The following GALNT13 variants were observed in gnomAD, a reference collection of about 807,000 sequenced individuals.
GALNT13 encodes UDP-GalNAc:polypeptide N-acetylgalactosaminyltransferase 13.
In GALNT13, 28 loss-of-function variants were observed where a neutral mutation model predicts 64.2. The observed-to-expected ratio is 0.44, with a 90% CI of 0.32 to 0.60. The LOEUF is 0.60. Among genes scored for constraint, GALNT13 ranks in the 20% least tolerant of loss-of-function variants. GALNT13 has a pLI of 0.05. For missense variants in GALNT13, 577 were observed against 669.8 expected, an observed-to-expected ratio of 0.86 and a Z score of 1.53; for synonymous variants, 214 against 224.6, an observed-to-expected ratio of 0.95 and a Z score of 0.42.
At chr2:153,218,595 T>C in the GALNT13 span, among the ~76,000 whole-genome samples, 3 of 152,220 alleles carry the variant, frequency 2.0e-5, no homozygotes, top group East Asian at 5.8e-4. Context: ...GCCTGAACTA[T>C]GGGGAATGTT....
At chr2:154,356,285 A>G (rs1696745000) in intron 9 of GALNT13, among the ~76,000 whole-genome samples, 1 of 151,940 alleles carries the variant, frequency 6.6e-6, no homozygotes. Context: ...TCTCTGGTGG[A>G]TTATTCTGAT....
intron 9 of GALNT13, among the ~76,000 whole-genome samples, chr2:154,311,211 A>G (rs1274788145): frequency 6.6e-6 from 1 of 152,102 alleles, no homozygotes; most frequent in East Asian, 1.9e-4. Context: ...ATATATGTAC[A>G]TATTTATTTA....
At chr2:153,653,783 T>C in the GALNT13 span, among the ~76,000 whole-genome samples, 1 of 152,194 alleles carries the variant, frequency 6.6e-6, no homozygotes, top group African/African-American at 2.4e-5. Flanking sequence ...ACATTTTTTC[T>C]GCCTATCTTA....
chr2:153,584,415 C>T, the GALNT13 span, among the ~76,000 whole-genome samples: 98 of 152,306 alleles, frequency 6.4e-4, no homozygotes, highest in African/African-American at 2.3e-3. Flanking sequence ...CCTACAGCTA[C>T]CTCCCTAGCC....
At chr2:153,985,287 C>T (rs180720095) in intron 3 of GALNT13, among the ~76,000 whole-genome samples, 5 of 152,068 alleles carry the variant, frequency 3.3e-5, no homozygotes, top group Admixed American at 3.3e-4. Context: ...CGTCTTCCCT[C>T]CAAAATGTAA....
At chr2:154,159,328 T>C (rs557897547) in intron 4 of GALNT13, among the ~76,000 whole-genome samples, 37 of 151,908 alleles carry the variant, frequency 2.4e-4, no homozygotes, top group African/African-American at 8.4e-4. Flanking sequence ...AGAGATGAGG[T>C]TTCACCATGT....
the GALNT13 span, chr2:153,201,870 C>G: frequency 6.6e-6 from 1 of 151,730 alleles, no homozygotes; most frequent in African/African-American, 2.4e-5. Flanking sequence ...AAGGCATGAA[C>G]AGCTGAAGCT....
chr2:153,265,361 G>C, the GALNT13 span, among the ~76,000 whole-genome samples: 1 of 152,136 alleles, frequency 6.6e-6, no homozygotes, highest in African/African-American at 2.4e-5. Flanking sequence ...GGCTGGAATG[G>C]ACAATTTGCC....
chr2:153,276,832 T>C, the GALNT13 span, among the ~76,000 whole-genome samples: 4 of 152,312 alleles, frequency 2.6e-5, no homozygotes, highest in African/African-American at 9.6e-5. Context: ...AAATATTTTC[T>C]CTAACTATAT....
At chr2:153,131,620 C>G in the GALNT13 span, among the ~76,000 whole-genome samples, 1 of 152,150 alleles carries the variant, frequency 6.6e-6, no homozygotes, top group Non-Finnish European at 1.5e-5. Flanking sequence ...CAGGTCTGCA[C>G]CTTCTAGGTA....
the GALNT13 span, among the ~76,000 whole-genome samples, chr2:153,826,571 T>C: frequency 2.0e-5 from 3 of 152,210 alleles, no homozygotes; most frequent in African/African-American, 7.2e-5. Context: ...TATACTTTAA[T>C]CCTTATCAAG....
At chr2:153,795,042 AACAG>A in the GALNT13 span, among the ~76,000 whole-genome samples, 1 of 152,194 alleles carries the variant, frequency 6.6e-6, no homozygotes, top group Admixed American at 6.5e-5. Context: ...CAAAAGGCTA[AACAG>A]ACCTCACAGG....
intron 3 of GALNT13, among the ~76,000 whole-genome samples, chr2:153,990,420 T>C (rs1320451469): frequency 6.6e-6 from 1 of 152,152 alleles, no homozygotes; most frequent in Non-Finnish European, 1.5e-5. Flanking sequence ...GCATCCTGTG[T>C]CTGTGGTATA....
At chr2:153,543,711 A>T in the GALNT13 span, among the ~76,000 whole-genome samples, 2 of 151,962 alleles carry the variant, frequency 1.3e-5, no homozygotes, top group Admixed American at 1.3e-4. Flanking sequence ...TTGTCAAAAC[A>T]GTACAAGAAA....
the GALNT13 span, among the ~76,000 whole-genome samples, chr2:153,839,537 G>A: frequency 6.6e-6 from 1 of 151,314 alleles, no homozygotes; most frequent in Non-Finnish European, 1.5e-5. Context: ...CCTTCCTTCT[G>A]TTAATATTGT....
chr2:153,288,325 A>G, the GALNT13 span, among the ~76,000 whole-genome samples: 4 of 152,324 alleles, frequency 2.6e-5, no homozygotes, highest in Non-Finnish European at 4.4e-5. Flanking sequence ...CTTTTAATTT[A>G]TGTGCATCGG....
the GALNT13 span, among the ~76,000 whole-genome samples, chr2:153,630,139 C>T: frequency 2.0e-5 from 3 of 151,294 alleles, no homozygotes; most frequent in Admixed American, 6.6e-5. Flanking sequence ...CCAGCCATCC[C>T]ATTACTGGGT....
the GALNT13 span, among the ~76,000 whole-genome samples, chr2:153,646,606 T>TC: frequency 1.0e-3 from 159 of 151,958 alleles, 4 homozygotes; most frequent in East Asian, 0.026. Context: ...ATGCTATCTC[T>TC]CCCCCCTCCC....
the GALNT13 span, among the ~76,000 whole-genome samples, chr2:153,450,791 C>T: frequency 6.6e-6 from 1 of 152,180 alleles, no homozygotes; most frequent in African/African-American, 2.4e-5. Context: ...TGCAATTGAC[C>T]AAAAGAAACT....
Sources: gnomAD v4.1 joint callset for allele counts (sites outside exome capture counted in the v4.1 genomes callset) on GRCh38, gnomAD v4.1.1 for gene constraint, MANE v1.5 for transcripts, NCBI Gene and HGNC (gene_info 2026-07-23, HGNC 2026-07-21) for gene names.